Variants in SUPT3H observed in about 807,000 individuals in gnomAD.
SUPT3H encodes the protein transcription initiation protein SPT3 homolog.
In SUPT3H, 44 loss-of-function variants were observed where a neutral mutation model predicts 44.3. That is an observed-to-expected ratio of 0.99 (90% CI 0.78 to 1.28). The LOEUF (loss-of-function observed/expected upper bound fraction) is 1.28. Among genes scored for constraint, SUPT3H ranks in the 50% most tolerant of loss-of-function variants. The pLI is 0.00. For synonymous variants in SUPT3H, 124 were observed against 125.6 expected (o/e 0.99, Z 0.09); for missense variants, 380 against 387.1 (o/e 0.98, Z 0.15).
At position 44,831,943 on chromosome 6, in the gene SUPT3H, C is replaced by T. The variant is rs151258825; in HGVS notation, c.913-2086G>A. On this transcript the variant is annotated intron_variant, in intron 10 of 10. Coordinates refer to ENST00000371459, the MANE Select transcript of SUPT3H (RefSeq NM_003599.4). ...TAATAACACAGATCCTATGAGAAAACCAAAGTTTAGAGTTGACCCAGATTT... is the reference window on the plus strand; with the variant it reads ...TAATAACACAGATCCTATGAGAAAATCAAAGTTTAGAGTTGACCCAGATTT... Among the ~76,000 whole-genome samples, 391 of 152,074 alleles carry T rather than the reference C, an allele frequency of 2.6e-3. 1 individual carries two copies. The highest frequency in any genetic ancestry group is 0.01 in the Middle Eastern group (3 of 294).
At chr6:45,350,146 A>G (rs904003314) in intron 2 of SUPT3H, among the ~76,000 whole-genome samples, 3 of 152,200 alleles carry the variant, frequency 2.0e-5, no homozygotes, top group Non-Finnish European at 4.4e-5. Context: ...AATAAAATTG[A>G]TATTTCTAAT....
intron 2 of SUPT3H, among the ~76,000 whole-genome samples, chr6:45,124,476 C>A (rs1021545643): frequency 3.3e-5 from 5 of 151,614 alleles, no homozygotes; most frequent in Non-Finnish European, 7.4e-5. Context: ...AAACCCCCCC[C>A]TCTACTAAAA....
intron 5 of SUPT3H, 138 bp downstream of exon 5, chr6:45,014,663 G>T: frequency 2.1e-6 from 1 of 474,800 alleles, no homozygotes. Flanking sequence ...ATATACTTTT[G>T]CAAGGGTATT....
At chr6:44,858,591 T>G (rs1210845842) in intron 10 of SUPT3H, among the ~76,000 whole-genome samples, 1 of 152,160 alleles carries the variant, frequency 6.6e-6, no homozygotes, top group African/African-American at 2.4e-5. Context: ...TTGAACCATA[T>G]AAAACTGTTG....
rs75268217 is a variant in SUPT3H at position 44,985,114 on chromosome 6, A to G, written c.504+18539T>C. On this transcript the variant is annotated intron_variant, in intron 6 of 10. Transcript: ENST00000371459. ...CGTGTTCTGGGAGGCTGTGATGGAA[A>G]GACTGCTTGAGGCCAGGAGTTCAGA... Among the ~76,000 whole-genome samples the G allele has an allele frequency of 5.1e-4, 78 of 151,508 alleles. No individual in the cohort carries two copies. The East Asian group carries it at 0.011, about 22-fold the overall frequency.
intron 3 of SUPT3H, among the ~76,000 whole-genome samples, chr6:45,086,287 T>C (rs1796464259): frequency 6.6e-6 from 1 of 152,032 alleles, no homozygotes; most frequent in African/African-American, 2.4e-5. Flanking sequence ...TATATACAGT[T>C]TCACCTAGTT....
chr6:44,904,325 A>C (rs1264725637), intron 10 of SUPT3H, among the ~76,000 whole-genome samples: 2 of 152,236 alleles, frequency 1.3e-5, no homozygotes, highest in East Asian at 3.8e-4. Context: ...GCAAAGTCTC[A>C]GGATACAAAA....
At chr6:45,282,549 GAAAC>G (rs1023601109) in intron 2 of SUPT3H, among the ~76,000 whole-genome samples, 6 of 152,116 alleles carry the variant, frequency 3.9e-5, no homozygotes, top group South Asian at 2.1e-4. Context: ...AGAATAAAAA[GAAAC>G]AAACAAAGCC....
intron 2 of SUPT3H, among the ~76,000 whole-genome samples, chr6:45,147,300 T>C (rs977819325): frequency 1.3e-4 from 20 of 152,252 alleles, no homozygotes; most frequent in Admixed American, 1.2e-3. Flanking sequence ...AATTAAACAC[T>C]GAATGATAAA....
intron 9 of SUPT3H, among the ~76,000 whole-genome samples, chr6:44,936,433 T>C (rs1771433565): frequency 6.6e-6 from 1 of 152,180 alleles, no homozygotes; most frequent in African/African-American, 2.4e-5. Context: ...TTTTAGGATA[T>C]CCATTTCTTG....
At chr6:45,347,395 T>G (rs1174514427) in intron 2 of SUPT3H, among the ~76,000 whole-genome samples, 2 of 152,196 alleles carry the variant, frequency 1.3e-5, no homozygotes, top group Non-Finnish European at 2.9e-5. Context: ...TTTAAAATCT[T>G]TTGGTGGTAG....
rs146947079 is a variant in SUPT3H at position 45,041,491 on chromosome 6, A to C, written c.187-20859T>G. ...AGATGACAATGGTGAAAGAGAAATA[A>C]GAATGAACAAGTGAGGACACAGAAA... On this transcript the variant is annotated intron_variant, in intron 3 of 10. Transcript: ENST00000371459. 4.7e-3 allele frequency among the ~76,000 whole-genome samples: 715 copies of C among 152,336 alleles called. 9 individuals are homozygous for C. Among genetic ancestry groups the C allele is most frequent in the African/African-American group, 0.016 (667 of 41,586 alleles).
intron 6 of SUPT3H, among the ~76,000 whole-genome samples, chr6:44,995,090 A>C (rs79523853): frequency 6.6e-6 from 1 of 152,000 alleles, no homozygotes; most frequent in Non-Finnish European, 1.5e-5. Flanking sequence ...ATACCTATAC[A>C]TCTTCAAATT....
chr6:45,135,779 G>A (rs889851293), intron 2 of SUPT3H, among the ~76,000 whole-genome samples: 4 of 152,086 alleles, frequency 2.6e-5, no homozygotes, highest in Admixed American at 6.5e-5. Context: ...TCTAACTTCC[G>A]GAACTATGAG....
At chr6:45,053,198 C>CT (rs1381181306) in intron 3 of SUPT3H, among the ~76,000 whole-genome samples, 1 of 139,458 alleles carries the variant, frequency 7.2e-6, no homozygotes, top group African/African-American at 2.8e-5. Context: ...CTGGGCCCAG[C>CT]TTTTTTGTTT....
chr6:45,299,226 G>T (rs1584786461), intron 2 of SUPT3H, among the ~76,000 whole-genome samples: 1 of 151,526 alleles, frequency 6.6e-6, no homozygotes, highest in Non-Finnish European at 1.5e-5. Flanking sequence ...GATGGCAGGG[G>T]CCTGTTGTCC....
chr6:44,943,565 A>C (rs546722289), intron 9 of SUPT3H, among the ~76,000 whole-genome samples: 6 of 152,234 alleles, frequency 3.9e-5, no homozygotes, highest in Admixed American at 6.5e-5. Context: ...CGGCAGGATA[A>C]ATACAAAGAA....
intron 2 of SUPT3H, among the ~76,000 whole-genome samples, chr6:45,120,650 A>C (rs980236490): frequency 1.3e-5 from 2 of 152,072 alleles, no homozygotes; most frequent in African/African-American, 2.4e-5. Flanking sequence ...TAACCAAAAA[A>C]AGGAATCTAT....
rs1762326321 is a variant in SUPT3H, at chr6:45,200,591, T to C, written c.102-94585A>G. 2.0e-5 allele frequency among the ~76,000 whole-genome samples: 3 copies of C among 151,520 alleles called. No individual in the cohort carries two copies. The South Asian group carries it at 6.2e-4, about 31-fold the overall frequency. ...ACTGTTTGTAAGCACTTTACATTTTTGAACCTTCTTAATGCTCAGAACACC... is the reference window on the plus strand; with the variant it reads ...ACTGTTTGTAAGCACTTTACATTTTCGAACCTTCTTAATGCTCAGAACACC... On this transcript the variant is annotated intron_variant, in intron 2 of 10. Coordinates refer to ENST00000371459, the MANE Select transcript of SUPT3H (RefSeq NM_003599.4).
Sources: gnomAD v4.1 joint callset for allele counts (sites outside exome capture counted in the v4.1 genomes callset) on GRCh38, gnomAD v4.1.1 for gene constraint, MANE v1.5 for transcripts, NCBI Gene and HGNC (gene_info 2026-07-23, HGNC 2026-07-21) for gene names.